The following ELOVL5 variants were observed in gnomAD, a reference collection of about 807,000 sequenced individuals.
ELOVL5 encodes the protein ELOVL fatty acid elongase 5, also known as very long chain fatty acid elongase 5.
A neutral mutation model predicts 38.6 loss-of-function variants in ELOVL5; 8 were observed. The observed-to-expected ratio is 0.21, with a 90% confidence interval of 0.12 to 0.37. The LOEUF is 0.37. Ranked by LOEUF, ELOVL5 falls within the 10% of genes least tolerant of loss-of-function variation. ELOVL5 has a pLI of 1.00. For synonymous variants in ELOVL5, 127 were observed against 133.7 expected, an observed-to-expected ratio of 0.95 and a Z score of 0.34; for missense variants, 280 against 367.8, an observed-to-expected ratio of 0.76 and a Z score of 1.95.
At chr6:53,278,636 T>G (rs1766233850) in intron 3 of ELOVL5, among the ~76,000 whole-genome samples, 1 of 152,148 alleles carries the variant, frequency 6.6e-6, no homozygotes, top group Admixed American at 6.5e-5. Flanking sequence ...CTTTTTTCAC[T>G]CCTGAAGCAT....
chr6:53,287,700 G>GA (rs1293182646), intron 3 of ELOVL5, among the ~76,000 whole-genome samples: 1 of 152,232 alleles, frequency 6.6e-6, no homozygotes, highest in Non-Finnish European at 1.5e-5. Flanking sequence ...GTAGAGCCCA[G>GA]AAGAATGAAA....
intron 3 of ELOVL5, among the ~76,000 whole-genome samples, chr6:53,283,993 T>C (rs1766465031): frequency 2.0e-5 from 3 of 151,370 alleles, no homozygotes; most frequent in East Asian, 1.9e-4. Flanking sequence ...TAATGGTGAT[T>C]ATTTAGGACC....
intron 1 of ELOVL5, among the ~76,000 whole-genome samples, chr6:53,305,789 TC>T (rs1428930722): frequency 6.6e-6 from 1 of 151,782 alleles, no homozygotes; most frequent in African/African-American, 2.4e-5. Context: ...GCTCCTCACT[TC>T]CCAGACGGGG....
At chr6:53,307,043 C>T (rs13202564) in intron 1 of ELOVL5, among the ~76,000 whole-genome samples, 51,904 of 152,088 alleles carry the variant, frequency 0.34, 9,479 homozygotes, top group African/African-American at 0.48. Flanking sequence ...TTCTGTGTGT[C>T]CAATGATTCT....
intron 3 of ELOVL5, chr6:53,287,844 G>C (rs6458913): frequency 6.5e-7 from 1 of 1,532,450 alleles, no homozygotes; most frequent in Non-Finnish European, 8.7e-7. Context: ...AAAGCCATGT[G>C]CACTGCACAA....
intron 3 of ELOVL5, among the ~76,000 whole-genome samples, chr6:53,286,397 T>C (rs1766572445): frequency 6.6e-6 from 1 of 151,984 alleles, no homozygotes; most frequent in Non-Finnish European, 1.5e-5. Flanking sequence ...ACAATGTTTC[T>C]ACCAAAAATA....
chr6:53,342,650 T>C (rs1183860884), intron 1 of ELOVL5, among the ~76,000 whole-genome samples: 1 of 152,210 alleles, frequency 6.6e-6, no homozygotes, highest in African/African-American at 2.4e-5. Context: ...TATATTTCAA[T>C]AAAATTGTTA....
chr6:53,270,716 C>T lies in ELOVL5; in HGVS notation c.633G>A (p.Val211=). The T allele has an allele frequency of 6.2e-7, 1 of 1,614,154 alleles. No individual in the cohort carries two copies. The change falls in exon 7 of 8, where the codon GTG becomes GTA. Residue 211 remains valine (V), a synonymous_variant. Transcript: ENST00000304434. ...YITQGQLLQF[V]LTIIQTSCGV... Reference sequence around the variant, plus strand: ...CGCAGCTGGTCTGGATGATTGTCAGCACAAACTGAAGCTAGGGGAACAGAG... The same window carrying T: ...CGCAGCTGGTCTGGATGATTGTCAGTACAAACTGAAGCTAGGGGAACAGAG...
At chr6:53,281,127 C>G (rs940168649) in intron 3 of ELOVL5, among the ~76,000 whole-genome samples, 5 of 152,174 alleles carry the variant, frequency 3.3e-5, no homozygotes, top group African/African-American at 1.2e-4. Flanking sequence ...GTCAGAGCAA[C>G]AAGATAACCC....
intron 1 of ELOVL5, among the ~76,000 whole-genome samples, chr6:53,317,439 A>G (rs1768097752): frequency 6.6e-6 from 1 of 152,234 alleles, no homozygotes; most frequent in African/African-American, 2.4e-5. Flanking sequence ...TGTGGCACAT[A>G]TACACCATGG....
chr6:53,297,973 T>A (rs1284057045), intron 1 of ELOVL5, among the ~76,000 whole-genome samples: 2 of 152,242 alleles, frequency 1.3e-5, no homozygotes, highest in African/African-American at 4.8e-5. Context: ...AGAAATGTTT[T>A]ATCTATTAAA....
intron 3 of ELOVL5, among the ~76,000 whole-genome samples, chr6:53,278,610 A>G (rs1766232573): frequency 6.6e-6 from 1 of 152,194 alleles, no homozygotes; most frequent in South Asian, 2.1e-4. Context: ...CTCAAACCTC[A>G]GTATTGGGTG....
At chr6:53,326,137 T>C (rs1768531595) in intron 1 of ELOVL5, among the ~76,000 whole-genome samples, 1 of 152,180 alleles carries the variant, frequency 6.6e-6, no homozygotes, top group Non-Finnish European at 1.5e-5. Context: ...TCAGAATAAC[T>C]CAGTCATCTC....
chr6:53,270,488 A>G (rs1270991996), intron 7 of ELOVL5, 105 bp downstream of exon 7: 2 of 1,290,082 alleles, frequency 1.6e-6, no homozygotes, highest in African/African-American at 3.0e-5. Context: ...TAGAGGCCAG[A>G]GCCTGTCACC....
At chr6:53,342,465 G>T (rs1769372100) in intron 1 of ELOVL5, among the ~76,000 whole-genome samples, 1 of 152,154 alleles carries the variant, frequency 6.6e-6, no homozygotes, top group Non-Finnish European at 1.5e-5. Context: ...TCGCCAGCAT[G>T]GCTTCAATTA....
intron 1 of ELOVL5, among the ~76,000 whole-genome samples, chr6:53,315,469 T>C (rs866507938): frequency 8.5e-5 from 13 of 152,252 alleles, no homozygotes; most frequent in Middle Eastern, 3.4e-3. Flanking sequence ...CTAAAGAAAA[T>C]TGACACTTTT....
chr6:53,275,202 G>T lies in ELOVL5; in HGVS notation c.384C>A (p.Phe128Leu). ...GGTTGTTCTTGCGCAGGATGAAGAA[G>T]AAAGTGTCCATAAATTCTATGAGTT... is the stretch of plus-strand genomic sequence containing the variant. ...FSKLIEFMDTFFFILRKNNHQ... is the reference protein window; with the variant it reads ...FSKLIEFMDTLFFILRKNNHQ... Residue 128 changes from phenylalanine to leucine, a missense_variant, in exon 5 of 8, where the codon TTC (phenylalanine) becomes TTA (leucine). This residue lies in a region of ELOVL5 where 150 missense variants were observed against 178.0 expected (regional missense o/e 0.84). Transcript: ENST00000304434. 6.2e-7 allele frequency: 1 copy of T among 1,614,164 alleles called. No individual in the cohort carries two copies. The highest frequency in any genetic ancestry group is 8.5e-7 in the Non-Finnish European group (1 of 1,180,022).
intron 1 of ELOVL5, among the ~76,000 whole-genome samples, chr6:53,327,152 T>C (rs1312318703): frequency 6.6e-6 from 1 of 152,152 alleles, no homozygotes; most frequent in Admixed American, 6.5e-5. Flanking sequence ...CCTGTCTGCC[T>C]TCCCTAGTAG....
At chr6:53,270,758 G>A (rs528789078) in intron 6 of ELOVL5, 31 bp from the exon 7 acceptor site, 9 of 1,613,652 alleles carry the variant, frequency 5.6e-6, no homozygotes, top group African/African-American at 5.3e-5. Context: ...CAGCTGAACA[G>A]GGACAGTGCA....
Sources: gnomAD v4.1 joint callset for allele counts (sites outside exome capture counted in the v4.1 genomes callset) on GRCh38, gnomAD v4.1.1 for gene constraint, gnomAD v4.1.1 regional missense constraint, MANE v1.5 for transcripts, NCBI Gene and HGNC (gene_info 2026-07-23, HGNC 2026-07-21) for gene names.